CCNJL: variants seen among roughly 807,000 people sequenced by gnomAD.
The protein encoded by CCNJL is cyclin J like, also known as cyclin-J-like protein.
A neutral mutation model predicts 33.4 loss-of-function variants in CCNJL; 33 were observed. The observed-to-expected ratio is 0.99, with a 90% CI of 0.75 to 1.32. CCNJL has a LOEUF of 1.32. Ranked by LOEUF, CCNJL falls within the 40% of genes most tolerant of loss-of-function variation. The pLI, the probability that CCNJL is intolerant of heterozygous loss-of-function variation, is 0.00. For synonymous variants in CCNJL, 227 were observed against 220.9 expected (o/e 1.03, Z -0.24); for missense variants, 512 against 499.7 (o/e 1.02, Z -0.23).
intron 1 of CCNJL, among the ~76,000 whole-genome samples, chr5:160,327,610 G>A (rs1763553330): frequency 6.6e-6 from 1 of 152,222 alleles, no homozygotes; most frequent in Admixed American, 6.5e-5. Context: ...AACAAGGTGG[G>A]CCAGGAGTTG....
At position 160,270,169 on chromosome 5, in the gene CCNJL, C is replaced by T. The variant is rs993264023; in HGVS notation, c.280+10356G>A. 3.4e-4 allele frequency among the ~76,000 whole-genome samples: 52 copies of T among 151,698 alleles called. 1 individual carries two copies. The highest frequency in any genetic ancestry group is 3.5e-3 in the Middle Eastern group (1 of 288). The stretch of plus-strand genomic sequence containing the variant: ...CTACCAAAAAAAAAAAAAGTCTGGG[C>T]GCAGTGGCTCACGCCTGTAATCCCA... On this transcript the variant is annotated intron_variant, in intron 3 of 5. Coordinates refer to ENST00000257536, the MANE Select transcript of CCNJL (RefSeq NM_001308173.3).
intron 3 of CCNJL, among the ~76,000 whole-genome samples, chr5:160,261,730 T>G (rs1279544668): frequency 6.6e-6 from 1 of 152,090 alleles, no homozygotes; most frequent in Non-Finnish European, 1.5e-5. Flanking sequence ...ATCGGTGTCC[T>G]CCAGAGCTCA....
intron 3 of CCNJL, among the ~76,000 whole-genome samples, chr5:160,279,337 T>C (rs1036598878): frequency 4.6e-5 from 7 of 152,250 alleles, no homozygotes; most frequent in Non-Finnish European, 8.8e-5. Flanking sequence ...GTCCTAATTG[T>C]ACCTGGCCAC....
chr5:160,253,307 G>A lies in CCNJL; in HGVS notation c.*71C>T, dbSNP rs2113192646. 2.8e-6 allele frequency: 4 copies of A among 1,453,236 alleles called. No homozygotes were observed. In the East Asian group the frequency reaches 6.9e-5, roughly 25 times the overall value. 90.0% of individuals were successfully genotyped at this position (1,453,236 alleles called of 1,614,324 possible). On this transcript the variant is annotated 3_prime_UTR_variant, in exon 6 of 6. Coordinates refer to ENST00000257536, the MANE Select transcript of CCNJL (RefSeq NM_001308173.3). ...TGGCCTCCTGCTGCCTCACTTGGCTGAGCTCTCCTCTTCAGTGTCCTCTTC... is the reference window on the plus strand; with the variant it reads ...TGGCCTCCTGCTGCCTCACTTGGCTAAGCTCTCCTCTTCAGTGTCCTCTTC...
upstream of CCNJL, among the ~76,000 whole-genome samples, chr5:160,316,161 C>A (rs1763376980): frequency 6.6e-6 from 1 of 152,156 alleles, no homozygotes; most frequent in Non-Finnish European, 1.5e-5. Flanking sequence ...GAGTCACTGT[C>A]CACAGGTGCC....
At chr5:160,258,289 T>A in intron 4 of CCNJL, 2 of 734,968 alleles carry the variant, frequency 2.7e-6, no homozygotes, top group South Asian at 2.8e-5. Flanking sequence ...ATCAGGCAAG[T>A]GGCTGGATGG....
At chr5:160,281,597 G>A (rs895951911) in intron 2 of CCNJL, among the ~76,000 whole-genome samples, 2 of 152,070 alleles carry the variant, frequency 1.3e-5, no homozygotes, top group African/African-American at 4.8e-5. Flanking sequence ...CTTATATGCA[G>A]TATCTCTCAT....
At chr5:160,324,528 G>A (rs1472326329) in intron 1 of CCNJL, among the ~76,000 whole-genome samples, 7 of 152,086 alleles carry the variant, frequency 4.6e-5, no homozygotes, top group South Asian at 2.1e-4. Flanking sequence ...AGCTGAAATC[G>A]TGCCATTGTA....
At chr5:160,283,599 G>A (rs977570518) in intron 2 of CCNJL, among the ~76,000 whole-genome samples, 2 of 152,140 alleles carry the variant, frequency 1.3e-5, no homozygotes, top group Non-Finnish European at 2.9e-5. Flanking sequence ...ATCCATCCCC[G>A]CAAGCATTTA....
At position 160,280,518 on chromosome 5, in the gene CCNJL, C is replaced by A. The variant is rs780953085; in HGVS notation, c.280+7G>T. The A allele has an allele frequency of 1.2e-6, 2 of 1,610,104 alleles. No homozygotes were observed. The highest frequency in any genetic ancestry group is 2.2e-5 in the South Asian group (2 of 91,002). On this transcript the variant is annotated splice_region_variant and intron_variant, in intron 3 of 5. Transcript: ENST00000257536. ...AAGCGCGGAGGAAGACGTAGGTTTT[C>A]GCTTACTTGCAAGCAGGAGGCAGGA... is the stretch of plus-strand genomic sequence containing the variant.
intron 3 of CCNJL, among the ~76,000 whole-genome samples, chr5:160,266,495 G>A (rs954999102): frequency 6.6e-6 from 1 of 152,198 alleles, no homozygotes. Flanking sequence ...AGGCAGGAAT[G>A]TCCTGGAGCA....
At chr5:160,272,907 GA>G (rs1248001043) in intron 3 of CCNJL, among the ~76,000 whole-genome samples, 2 of 152,118 alleles carry the variant, frequency 1.3e-5, no homozygotes, top group South Asian at 4.2e-4. Flanking sequence ...GTACAGCAGT[GA>G]AAAAAAGAGA....
At chr5:160,339,532 T>C (rs1306593423) in exon 1 of CCNJL, 6 of 452,602 alleles carry the variant, frequency 1.3e-5, no homozygotes, top group Admixed American at 9.5e-5. Context: ...TTTCCAAATC[T>C]TTGTCGACTT....
At chr5:160,306,298 C>T (rs1446467970) in intron 2 of CCNJL, among the ~76,000 whole-genome samples, 1 of 146,834 alleles carries the variant, frequency 6.8e-6, no homozygotes, top group Non-Finnish European at 1.5e-5. Context: ...AAAAAGCGGT[C>T]TCACAGAGCT....
At position 160,312,362 on chromosome 5, in the gene CCNJL, A is replaced by C; in HGVS notation, c.-50+2T>G. 1 of 177,256 alleles carries C rather than the reference A, an allele frequency of 5.6e-6. No individual in the cohort carries two copies. Among genetic ancestry groups the C allele is most frequent in the South Asian group, 1.1e-4 (1 of 9,044 alleles). The allele number at this position is 177,256 out of a possible 1,614,324, so 11.0% of individuals were successfully genotyped here. On this transcript the variant is annotated splice_donor_variant, in intron 1 of 5. Transcript: ENST00000257536. LOFTEE classifies it low-confidence loss of function (5UTR_SPLICE). ...CTGCCCTCGAGCCGGGGCGAAACTC[A>C]CGCATCCTCTCTGGGCGTGGGGGGC...
intron 2 of CCNJL, among the ~76,000 whole-genome samples, chr5:160,303,896 G>T (rs987680878): frequency 2.6e-5 from 4 of 151,946 alleles, no homozygotes; most frequent in African/African-American, 9.7e-5. Context: ...CAATGACAAG[G>T]GCACAGGGCC....
At chr5:160,268,116 C>T (rs189996259) in intron 3 of CCNJL, among the ~76,000 whole-genome samples, 43 of 152,290 alleles carry the variant, frequency 2.8e-4, no homozygotes, top group African/African-American at 9.9e-4. Context: ...AAGGTGCTTC[C>T]TACTCTTGGC....
At chr5:160,300,605 C>A (rs1162039754) in intron 2 of CCNJL, among the ~76,000 whole-genome samples, 5 of 152,122 alleles carry the variant, frequency 3.3e-5, no homozygotes, top group Non-Finnish European at 7.3e-5. Flanking sequence ...CAAGGCAATT[C>A]TTCTTCCAGT....
intron 1 of CCNJL, among the ~76,000 whole-genome samples, chr5:160,331,988 C>T (rs1763613421): frequency 6.6e-6 from 1 of 152,130 alleles, no homozygotes. Context: ...TTTAACCAAG[C>T]CTCTGGTGAG....
Sources: gnomAD v4.1 joint callset for allele counts (sites outside exome capture counted in the v4.1 genomes callset) on GRCh38, gnomAD v4.1.1 for gene constraint, MANE v1.5 for transcripts, NCBI Gene and HGNC (gene_info 2026-07-23, HGNC 2026-07-21) for gene names.